SULT1B1: variants seen among roughly 807,000 people sequenced by gnomAD.
SULT1B1 encodes the protein sulfotransferase 1B1.
Under a neutral mutation model 34.6 loss-of-function variants are expected in SULT1B1, and 28 were observed. That is an observed-to-expected ratio of 0.81 (90% CI 0.60 to 1.11). SULT1B1 has a LOEUF of 1.11. Among genes scored for constraint, SULT1B1 ranks in the 50% least tolerant of loss-of-function variants. The pLI is 0.00. For synonymous variants in SULT1B1, 147 were observed against 110.2 expected (o/e 1.33, Z -2.09); for missense variants, 374 against 352.2 (o/e 1.06, Z -0.50).
intron 6 of SULT1B1, among the ~76,000 whole-genome samples, chr4:69,731,216 G>C (rs1488110608): frequency 2.6e-5 from 4 of 152,222 alleles, no homozygotes; most frequent in Non-Finnish European, 5.9e-5. Context: ...TACTGCCTGA[G>C]CTCTGCCTCC....
chr4:69,735,577 CTCCAA>C (rs1718271356), intron 4 of SULT1B1, among the ~76,000 whole-genome samples: 1 of 152,186 alleles, frequency 6.6e-6, no homozygotes, highest in African/African-American at 2.4e-5. Flanking sequence ...GAAGGCTTCT[CTCCAA>C]TTTTCAAAAA....
At chr4:69,730,965 G>A (rs185847546) in intron 6 of SULT1B1, among the ~76,000 whole-genome samples, 276 of 152,284 alleles carry the variant, frequency 1.8e-3, no homozygotes, top group African/African-American at 6.4e-3. Context: ...GATGATAGTA[G>A]AGAGAAGCCC....
chr4:69,731,347 TG>T (rs1293473070), intron 6 of SULT1B1, among the ~76,000 whole-genome samples: 5 of 152,212 alleles, frequency 3.3e-5, no homozygotes, highest in African/African-American at 1.2e-4. Context: ...AATGATCTGA[TG>T]AAACAGTTTC....
Position 69,723,951 on chromosome 4 carries a change from T to C in SULT1B1, c.*3137A>G, listed in dbSNP as rs568772222. 6.6e-6 allele frequency: 1 copy of C among 152,422 alleles called. No homozygotes were observed. The highest frequency in any genetic ancestry group is 1.9e-4 in the East Asian group (1 of 5,188). The allele number at this position is 152,422 out of a possible 1,614,324, so 9.4% of individuals were successfully genotyped here. A position where few individuals can be genotyped will look rare whatever the true frequency, so the allele number is the denominator to read the frequency against. Reference sequence around the variant, plus strand: ...TGGGCAAAACCTGGAAGCATTCCCTTTGAAAACTGGCACAAGACAGGGATG... The same window carrying C: ...TGGGCAAAACCTGGAAGCATTCCCTCTGAAAACTGGCACAAGACAGGGATG... On this transcript the variant is annotated 3_prime_UTR_variant, in exon 8 of 8. Transcript: ENST00000310613.
intron 3 of SULT1B1, among the ~76,000 whole-genome samples, chr4:69,754,406 TAA>T (rs1464802194): frequency 6.6e-5 from 10 of 152,318 alleles, no homozygotes; most frequent in South Asian, 6.2e-4. Context: ...TTCTACCAAA[TAA>T]AAGTCTTAAA....
At chr4:69,749,111 G>A (rs1718869617) in intron 4 of SULT1B1, among the ~76,000 whole-genome samples, 1 of 151,774 alleles carries the variant, frequency 6.6e-6, no homozygotes, top group Non-Finnish European at 1.5e-5. Context: ...ATACTTAAGA[G>A]GGACAAAAAA....
intron 4 of SULT1B1, among the ~76,000 whole-genome samples, chr4:69,741,785 A>C (rs1316403910): frequency 6.6e-6 from 1 of 152,024 alleles, no homozygotes; most frequent in Non-Finnish European, 1.5e-5. Context: ...TTTTGGGCAG[A>C]AACTGTGGAG....
At chr4:69,745,963 T>C (rs1718731879) in intron 4 of SULT1B1, among the ~76,000 whole-genome samples, 1 of 152,228 alleles carries the variant, frequency 6.6e-6, no homozygotes, top group South Asian at 2.1e-4. Flanking sequence ...TCATCACTTA[T>C]GAAGCAGTTT....
At chr4:69,749,294 A>T (rs1477894452) in intron 4 of SULT1B1, among the ~76,000 whole-genome samples, 1 of 152,172 alleles carries the variant, frequency 6.6e-6, no homozygotes, top group Non-Finnish European at 1.5e-5. Flanking sequence ...TAAGAAAAAA[A>T]CACATAATCT....
rs181161628 is a variant in SULT1B1, at chr4:69,743,796, G to A, written c.375+5925C>T. ...GGGCTTGGTGTCAACCATGATCCGA[G>A]ATTGGAGTGTGTTCCGCGAGCGGGT... On this transcript the variant is annotated intron_variant, in intron 4 of 7. Coordinates refer to ENST00000310613, the MANE Select transcript of SULT1B1 (RefSeq NM_014465.4). Among the ~76,000 whole-genome samples the A allele has an allele frequency of 1.1e-3, 167 of 152,350 alleles. 1 individual carries two copies. Among genetic ancestry groups the A allele is most frequent in the Admixed American group, 3.5e-3 (53 of 15,308 alleles).
Position 69,755,476 on chromosome 4 carries a change from T to C in SULT1B1, c.-44-215A>G, listed in dbSNP as rs1296895014. ...GGACAAAGGTCTCTAGTGGAAGTTT[T>C]GGAAAGAAATGAAACTGCATATCTC... On this transcript the variant is annotated intron_variant, in intron 1 of 7. Coordinates refer to ENST00000310613, the MANE Select transcript of SULT1B1 (RefSeq NM_014465.4). Among the ~76,000 whole-genome samples the C allele has an allele frequency of 2.0e-5, 3 of 152,170 alleles. 1 individual carries two copies. The highest frequency in any genetic ancestry group is 4.4e-5 in the Non-Finnish European group (3 of 68,018).
chr4:69,738,195 C>T (rs2110021771), intron 4 of SULT1B1, among the ~76,000 whole-genome samples: 1 of 152,282 alleles, frequency 6.6e-6, no homozygotes, highest in Non-Finnish European at 1.5e-5. Context: ...ACATGATTTC[C>T]TTTTCCTTAT....
intron 4 of SULT1B1, among the ~76,000 whole-genome samples, chr4:69,735,550 C>T (rs538459911): frequency 1.3e-5 from 2 of 152,302 alleles, no homozygotes; most frequent in Non-Finnish European, 2.9e-5. Context: ...CAGAGAAGCC[C>T]TGTTTCTCCC....
intron 6 of SULT1B1, among the ~76,000 whole-genome samples, chr4:69,731,852 T>C (rs1357618361): frequency 6.6e-6 from 1 of 152,154 alleles, no homozygotes; most frequent in African/African-American, 2.4e-5. Context: ...ACAGAAATGG[T>C]CTCAAATGTT....
chr4:69,731,387 T>C (rs1203246691), intron 6 of SULT1B1, among the ~76,000 whole-genome samples: 2 of 152,158 alleles, frequency 1.3e-5, no homozygotes, highest in Non-Finnish European at 2.9e-5. Flanking sequence ...TACAGCCCCC[T>C]TGCACCCTGT....
rs924635124 is a variant in SULT1B1 at position 69,722,000 on chromosome 4, T to C, written c.*5088A>G. 2.0e-5 allele frequency: 3 copies of C among 152,152 alleles called. No individual in the cohort carries two copies. The highest frequency in any genetic ancestry group is 4.1e-4 in the South Asian group (2 of 4,836). The allele number at this position is 152,152 out of a possible 1,614,324, so 9.4% of individuals were successfully genotyped here. ...AAAAATTAATTTTGCAGTATTCTGA[T>C]TGATTTCAAAGGGTATCAAATGTAT... On this transcript the variant is annotated 3_prime_UTR_variant, in exon 8 of 8. Coordinates refer to ENST00000310613, the MANE Select transcript of SULT1B1 (RefSeq NM_014465.4).
intron 1 of SULT1B1, among the ~76,000 whole-genome samples, chr4:69,755,781 C>T (rs1051136446): frequency 2.0e-5 from 3 of 152,000 alleles, no homozygotes; most frequent in African/African-American, 7.2e-5. Context: ...TGTGCACGCG[C>T]GTATACATTT....
At chr4:69,749,648 T>TAAAAAA in intron 4 of SULT1B1, 73 bp downstream of exon 4, 1 of 1,111,720 alleles carries the variant, frequency 9.0e-7, no homozygotes, top group East Asian at 2.4e-5. Flanking sequence ...AAAAATATTT[T>TAAAAAA]AAAAAATAAA....
chr4:69,755,618 C>T (rs372872695), intron 1 of SULT1B1, among the ~76,000 whole-genome samples: 1 of 152,178 alleles, frequency 6.6e-6, no homozygotes, highest in South Asian at 2.1e-4. Context: ...CGTCATTTTT[C>T]CTTACAGAAA....
Sources: gnomAD v4.1 joint callset for allele counts (sites outside exome capture counted in the v4.1 genomes callset) on GRCh38, gnomAD v4.1.1 for gene constraint, MANE v1.5 for transcripts, NCBI Gene and HGNC (gene_info 2026-07-23, HGNC 2026-07-21) for gene names.